Variants in KLF12 observed in about 807,000 individuals in gnomAD.
KLF12 encodes KLF transcription factor 12.
In KLF12, 9 loss-of-function variants were observed where a neutral mutation model predicts 37.8. The ratio of observed to expected loss-of-function variants is 0.24; its 90% confidence interval spans 0.14 to 0.42. The LOEUF is 0.42. Among genes scored for constraint, KLF12 ranks in the 10% least tolerant of loss-of-function variants. The pLI is 1.00. For missense variants in KLF12, 411 were observed against 516.0 expected (o/e 0.80, Z 1.97); for synonymous variants, 208 against 202.1 (o/e 1.03, Z -0.25).
At chr13:73,753,584 T>C (rs1433460120) in intron 6 of KLF12, among the ~76,000 whole-genome samples, 1 of 151,830 alleles carries the variant, frequency 6.6e-6, no homozygotes, top group Non-Finnish European at 1.5e-5. Flanking sequence ...GGCTGGATCA[T>C]TGCAGGCACA....
chr13:74,265,625 T>A, the KLF12 span, among the ~76,000 whole-genome samples: 1 of 152,230 alleles, frequency 6.6e-6, no homozygotes, highest in East Asian at 1.9e-4. Flanking sequence ...AGTAGAAATG[T>A]ATGATGTTCA....
chr13:74,166,897 T>A, the KLF12 span, among the ~76,000 whole-genome samples: 1 of 152,244 alleles, frequency 6.6e-6, no homozygotes, highest in Admixed American at 6.5e-5. Flanking sequence ...GCTTCTATCA[T>A]CTTCCTTCAC....
At chr13:73,700,109 A>T (rs1874435076) in intron 7 of KLF12, among the ~76,000 whole-genome samples, 1 of 152,044 alleles carries the variant, frequency 6.6e-6, no homozygotes, top group South Asian at 2.1e-4. Context: ...ATGTCTATCA[A>T]ATAAATAAAT....
At chr13:74,139,587 A>C in the KLF12 span, among the ~76,000 whole-genome samples, 1 of 152,170 alleles carries the variant, frequency 6.6e-6, no homozygotes, top group African/African-American at 2.4e-5. Context: ...AATATAATAC[A>C]TTTGGAGCAT....
chr13:73,697,858 G>A (rs986992777), intron 7 of KLF12, among the ~76,000 whole-genome samples: 6 of 152,290 alleles, frequency 3.9e-5, no homozygotes, highest in Middle Eastern at 3.4e-3. Context: ...GTAAACATGA[G>A]ATTAGATAAA....
At chr13:73,860,041 G>C (rs1426291188) in intron 3 of KLF12, among the ~76,000 whole-genome samples, 2 of 152,192 alleles carry the variant, frequency 1.3e-5, no homozygotes, top group Non-Finnish European at 2.9e-5. Flanking sequence ...GACAATAAGT[G>C]AGAAGAAATG....
the KLF12 span, among the ~76,000 whole-genome samples, chr13:74,229,033 A>G: frequency 6.6e-6 from 1 of 152,176 alleles, no homozygotes; most frequent in African/African-American, 2.4e-5. Context: ...TTTGTGTTCT[A>G]TTAATTTATA....
intron 1 of KLF12, among the ~76,000 whole-genome samples, chr13:74,133,003 C>T (rs1268791327): frequency 1.3e-5 from 2 of 152,154 alleles, no homozygotes; most frequent in Non-Finnish European, 2.9e-5. Context: ...TGCGGGTTCC[C>T]GGCCCGGGTG....
the KLF12 span, among the ~76,000 whole-genome samples, chr13:74,271,846 C>G: frequency 5.9e-5 from 9 of 152,284 alleles, no homozygotes; most frequent in Admixed American, 5.2e-4. Context: ...TTCAAGATGG[C>G]TCTTTGCCCC....
chr13:74,148,176 A>G, the KLF12 span, among the ~76,000 whole-genome samples: 1 of 152,016 alleles, frequency 6.6e-6, no homozygotes, highest in Non-Finnish European at 1.5e-5. Flanking sequence ...CGGCCTCCCA[A>G]GGTGCTGAGA....
chr13:73,754,039 A>G (rs1878974912), intron 6 of KLF12, among the ~76,000 whole-genome samples: 1 of 152,050 alleles, frequency 6.6e-6, no homozygotes, highest in Non-Finnish European at 1.5e-5. Flanking sequence ...TCACACACAT[A>G]TTCTCTTCAT....
chr13:73,783,704 C>T (rs1396741661), intron 5 of KLF12, among the ~76,000 whole-genome samples: 1 of 151,252 alleles, frequency 6.6e-6, no homozygotes, highest in Non-Finnish European at 1.5e-5. Flanking sequence ...CCTGTATAAC[C>T]CCTTTCTACC....
At chr13:73,963,907 A>C (rs541633214) in intron 2 of KLF12, among the ~76,000 whole-genome samples, 17 of 152,352 alleles carry the variant, frequency 1.1e-4, no homozygotes, top group African/African-American at 4.1e-4. Flanking sequence ...CACCCAAAAG[A>C]ACTGGCAAAA....
chr13:73,824,377 C>T (rs763085689), intron 4 of KLF12, among the ~76,000 whole-genome samples: 2 of 152,064 alleles, frequency 1.3e-5, no homozygotes, highest in African/African-American at 2.4e-5. Flanking sequence ...CACTGGAAAG[C>T]AGATATCTTA....
chr13:73,791,679 T>C (rs1881696892), intron 5 of KLF12, among the ~76,000 whole-genome samples: 1 of 152,220 alleles, frequency 6.6e-6, no homozygotes, highest in Non-Finnish European at 1.5e-5. Flanking sequence ...GTTTGCTTGG[T>C]TGTTACTTTT....
the KLF12 span, among the ~76,000 whole-genome samples, chr13:74,189,614 G>A: frequency 3.3e-5 from 5 of 152,164 alleles, no homozygotes; most frequent in Admixed American, 6.5e-5. Flanking sequence ...GTATGAAAGC[G>A]TGGAAGATCT....
intron 4 of KLF12, among the ~76,000 whole-genome samples, chr13:73,824,954 C>T (rs371368160): frequency 2.6e-5 from 4 of 151,742 alleles, no homozygotes; most frequent in South Asian, 2.1e-4. Context: ...TTGTAATCCC[C>T]GCTATTTGGG....
intron 5 of KLF12, among the ~76,000 whole-genome samples, chr13:73,774,744 G>T (rs569423438): frequency 2.0e-5 from 3 of 152,146 alleles, no homozygotes; most frequent in Non-Finnish European, 4.4e-5. Flanking sequence ...GCTTTGCTGG[G>T]ATAATAATAT....
chr13:74,073,536 C>T (rs1874396339), intron 1 of KLF12, among the ~76,000 whole-genome samples: 1 of 152,220 alleles, frequency 6.6e-6, no homozygotes, highest in African/African-American at 2.4e-5. Flanking sequence ...CAGCTGCTGA[C>T]TTAATGACAC....
Sources: allele counts gnomAD v4.1 joint callset (sites outside exome capture counted in the v4.1 genomes callset), GRCh38; gene constraint gnomAD v4.1.1; transcripts MANE v1.5; gene names NCBI Gene and HGNC (gene_info 2026-07-23, HGNC 2026-07-21).